Variants in HIVEP3 observed in about 807,000 individuals in gnomAD.
HIVEP3 encodes the protein HIVEP zinc finger 3.
Under a neutral mutation model 152.8 loss-of-function variants are expected in HIVEP3, and 49 were observed. That is an observed-to-expected ratio of 0.32 (90% CI 0.26 to 0.41). HIVEP3 has a LOEUF of 0.41. Among genes scored for constraint, HIVEP3 ranks in the 10% least tolerant of loss-of-function variants. HIVEP3 has a pLI of 1.00. For synonymous variants in HIVEP3, 1,269 were observed against 1,289.0 expected (o/e 0.98, Z 0.33); for missense variants, 2,790 against 3,103.3 (o/e 0.90, Z 2.40).
At chr1:41,592,927 C>T (rs948010601) in intron 3 of HIVEP3, among the ~76,000 whole-genome samples, 4 of 152,184 alleles carry the variant, frequency 2.6e-5, no homozygotes, top group African/African-American at 9.7e-5. Flanking sequence ...CAGTCTAGGC[C>T]CTGGCCAGGT....
intron 1 of HIVEP3, among the ~76,000 whole-genome samples, chr1:41,965,206 A>G (rs1307823575): frequency 6.6e-6 from 1 of 152,232 alleles, no homozygotes; most frequent in Non-Finnish European, 1.5e-5. Context: ...AAGAGAAAGA[A>G]ACAACAACAT....
chr1:41,822,398 C>T (rs1452764281), intron 1 of HIVEP3, among the ~76,000 whole-genome samples: 1 of 152,224 alleles, frequency 6.6e-6, no homozygotes, highest in Non-Finnish European at 1.5e-5. Flanking sequence ...GAATCTGCTT[C>T]TGGATGGAGG....
At position 41,548,891 on chromosome 1, in the gene HIVEP3, C is replaced by G. The variant is rs543176705; in HGVS notation, c.5208-23981G>C. Among the ~76,000 whole-genome samples the G allele has an allele frequency of 3.9e-5, 6 of 151,994 alleles. No homozygotes were observed. In the South Asian group the frequency reaches 1.2e-3, roughly 32 times the overall value. ...TTTTATTTTATTTTATTTTATTATACTTTAAGTTCTAGGGTACATGTACAC... is the reference window on the plus strand; with the variant it reads ...TTTTATTTTATTTTATTTTATTATAGTTTAAGTTCTAGGGTACATGTACAC... On this transcript the variant is annotated intron_variant, in intron 5 of 8. Coordinates refer to ENST00000372583, the MANE Select transcript of HIVEP3 (RefSeq NM_024503.5).
chr1:41,805,940 C>T (rs1650580237), intron 1 of HIVEP3, among the ~76,000 whole-genome samples: 1 of 152,144 alleles, frequency 6.6e-6, no homozygotes, highest in Non-Finnish European at 1.5e-5. Context: ...CTCATGCACC[C>T]AGGTCCTGAG....
intron 2 of HIVEP3, among the ~76,000 whole-genome samples, chr1:41,658,347 C>G (rs1037838542): frequency 4.6e-5 from 7 of 152,158 alleles, no homozygotes; most frequent in Non-Finnish European, 1.0e-4. Context: ...GGGTTTGAGT[C>G]CTAGCTCAAA....
intron 1 of HIVEP3, among the ~76,000 whole-genome samples, chr1:41,784,220 A>G (rs1477017279): frequency 6.6e-6 from 1 of 152,222 alleles, no homozygotes; most frequent in Non-Finnish European, 1.5e-5. Flanking sequence ...GGCTATTGAA[A>G]TGTGGCTAGG....
chr1:41,937,692 T>A (rs1417443782), intron 1 of HIVEP3, among the ~76,000 whole-genome samples: 2 of 152,212 alleles, frequency 1.3e-5, no homozygotes, highest in African/African-American at 4.8e-5. Context: ...GTCTAAAACA[T>A]TGAACCATTG....
intron 2 of HIVEP3, among the ~76,000 whole-genome samples, chr1:41,672,075 G>A (rs752287088): frequency 2.6e-5 from 4 of 152,186 alleles, no homozygotes; most frequent in Non-Finnish European, 2.9e-5. Context: ...GGCCCTTAGC[G>A]CATGAGTGTG....
intron 1 of HIVEP3, among the ~76,000 whole-genome samples, chr1:42,030,463 C>CA (rs1291877210): frequency 6.6e-6 from 1 of 152,062 alleles, no homozygotes; most frequent in East Asian, 1.9e-4. Context: ...CAACTGATAC[C>CA]AAAAATACAT....
At chr1:41,819,053 T>G (rs1642505516) in intron 1 of HIVEP3, among the ~76,000 whole-genome samples, 2 of 152,196 alleles carry the variant, frequency 1.3e-5, no homozygotes, top group Non-Finnish European at 2.9e-5. Context: ...TTTAAGTAAC[T>G]TGCCCCTAAG....
At chr1:41,744,992 C>T (rs1647050929) in intron 1 of HIVEP3, among the ~76,000 whole-genome samples, 1 of 152,124 alleles carries the variant, frequency 6.6e-6, no homozygotes, top group Non-Finnish European at 1.5e-5. Flanking sequence ...CTCAGAAGAG[C>T]TTGGATGTCA....
intron 1 of HIVEP3, among the ~76,000 whole-genome samples, chr1:41,774,771 AT>A (rs1487342239): frequency 5.7e-5 from 7 of 122,616 alleles, no homozygotes; most frequent in African/African-American, 1.2e-4. Flanking sequence ...AGCATCTTTT[AT>A]TTTATTTATT....
rs1256878553 is a variant in HIVEP3, at chr1:41,662,694, G to A, written c.-720-33747C>T. Among the ~76,000 whole-genome samples, 1 of 151,694 alleles carries A rather than the reference G, an allele frequency of 6.6e-6. No homozygotes were observed. The highest frequency in any genetic ancestry group is 2.0e-4 in the East Asian group (1 of 5,046). On this transcript the variant is annotated intron_variant, in intron 2 of 8. Coordinates refer to ENST00000372583, the MANE Select transcript of HIVEP3 (RefSeq NM_024503.5). The surrounding 1 kb of genome is among the most constrained non-coding windows in gnomAD (Gnocchi z 7.2). ...CTCGGTGACAGGCCGTGTCACTCCGGGCGCCGCCCCTCCCTCCGCGCCCGC... is the reference window on the plus strand; with the variant it reads ...CTCGGTGACAGGCCGTGTCACTCCGAGCGCCGCCCCTCCCTCCGCGCCCGC...
chr1:41,866,804 G>C (rs1643983985), intron 1 of HIVEP3, among the ~76,000 whole-genome samples: 1 of 152,186 alleles, frequency 6.6e-6, no homozygotes, highest in African/African-American at 2.4e-5. Context: ...GCAGAGCACA[G>C]GGAGCTCCTG....
intron 1 of HIVEP3, among the ~76,000 whole-genome samples, chr1:41,896,866 G>A (rs1179909591): frequency 1.3e-5 from 2 of 152,038 alleles, no homozygotes; most frequent in South Asian, 2.1e-4. Context: ...GAGCCACTGC[G>A]CCTGGCCAAG....
At position 41,677,786 on chromosome 1, in the gene HIVEP3, G is replaced by A. The variant is rs529470548; in HGVS notation, c.-721+23130C>T. ...GCGTCTGCTTCCCCGCACATCGGGC[G>A]GTCAGGTGAGTCCGCAGGAACAACA... is the stretch of plus-strand genomic sequence containing the variant. On this transcript the variant is annotated intron_variant, in intron 2 of 8. Transcript: ENST00000372583. 2.4e-3 allele frequency among the ~76,000 whole-genome samples: 361 copies of A among 152,346 alleles called. 2 individuals are homozygous for A. Among genetic ancestry groups the A allele is most frequent in the African/African-American group, 8.2e-3 (341 of 41,574 alleles).
At position 41,805,120 on chromosome 1, in the gene HIVEP3, T is replaced by A. The variant is rs964607621; in HGVS notation, c.-800-104125A>T. On this transcript the variant is annotated intron_variant, in intron 1 of 8. Transcript: ENST00000372583. Reference sequence around the variant, plus strand: ...GGGAGGCTGAGGCGGGCACATCGCCTGAGGTCAGAAGTTCGAGACCAGCCT... The same window carrying A: ...GGGAGGCTGAGGCGGGCACATCGCCAGAGGTCAGAAGTTCGAGACCAGCCT... Among the ~76,000 whole-genome samples, 6 of 152,306 alleles carry A rather than the reference T, an allele frequency of 3.9e-5. No individual in the cohort carries two copies. In the South Asian group the frequency reaches 1.0e-3, roughly 26 times the overall value.
chr1:41,522,112 G>A lies in HIVEP3; in HGVS notation c.5383+2623C>T, dbSNP rs183021668. 1.6e-4 allele frequency among the ~76,000 whole-genome samples: 24 copies of A among 152,318 alleles called. No homozygotes were observed. In the East Asian group the frequency reaches 2.9e-3, roughly 18 times the overall value. The stretch of plus-strand genomic sequence containing the variant: ...CCTGGTGTAGCCGGGTGGTAGGGTC[G>A]GGAGGGCTGCCTGGGGCAGGCCTGG... On this transcript the variant is annotated intron_variant, in intron 6 of 8. Transcript: ENST00000372583.
At chr1:41,845,563 G>A (rs1643420446) in intron 1 of HIVEP3, among the ~76,000 whole-genome samples, 1 of 151,896 alleles carries the variant, frequency 6.6e-6, no homozygotes, top group Admixed American at 6.6e-5. Flanking sequence ...TAATAATATT[G>A]CCAAGCCTTC....
Sources: gnomAD v4.1 joint callset for allele counts (sites outside exome capture counted in the v4.1 genomes callset) on GRCh38, gnomAD v4.1.1 for gene constraint, Gnocchi (gnomAD v3.1) non-coding constraint, MANE v1.5 for transcripts, NCBI Gene and HGNC (gene_info 2026-07-23, HGNC 2026-07-21) for gene names.